Variants in CCZ1 observed in about 807,000 individuals in gnomAD.
CCZ1 encodes vacuolar fusion protein CCZ1 homolog.
Under a neutral mutation model 57.8 loss-of-function variants are expected in CCZ1, and 19 were observed. That is an observed-to-expected ratio of 0.33 (90% CI 0.23 to 0.48). The LOEUF (loss-of-function observed/expected upper bound fraction) is 0.48, where lower values mean the gene tolerates loss of function less well. Ranked by LOEUF, CCZ1 falls within the 20% of genes least tolerant of loss-of-function variation. CCZ1 has a pLI of 0.99. For missense variants in CCZ1, 200 were observed against 492.0 expected (o/e 0.41, Z 5.61); for synonymous variants, 81 against 167.0 (o/e 0.49, Z 3.97).
At chr7:5,923,056 C>T (rs1477916081) in intron 12 of CCZ1, among the ~76,000 whole-genome samples, 45 of 129,352 alleles carry the variant, frequency 3.5e-4, no homozygotes, top group Admixed American at 1.7e-3. Context: ...CGGGGGCTCA[C>T]GCCTGTAATC....
At chr7:5,904,381 T>TGGCC (rs1402297755) in intron 6 of CCZ1, among the ~76,000 whole-genome samples, 2 of 145,902 alleles carry the variant, frequency 1.4e-5, no homozygotes, top group African/African-American at 2.6e-5. Context: ...CCGCTGTGCC[T>TGGCC]GGCCAGGAAT....
In CCZ1 at chr7:5,912,699, C is replaced by G. The variant is rs894560212; in HGVS notation, c.843-144C>G. Reference sequence around the variant, plus strand: ...ACAGGCATGAGCCACCACGCCCAGCCAGCATATTCTGATATGGTGTTTGCC... The same window carrying G: ...ACAGGCATGAGCCACCACGCCCAGCGAGCATATTCTGATATGGTGTTTGCC... On this transcript the variant is annotated intron_variant, in intron 9 of 14. Coordinates refer to ENST00000325974, the MANE Select transcript of CCZ1 (RefSeq NM_015622.6). The G allele has an allele frequency of 8.5e-5, 79 of 928,304 alleles. 1 individual carries two copies. The highest frequency in any genetic ancestry group is 1.2e-4 in the Non-Finnish European group (67 of 580,998). The allele number at this position is 928,304 out of a possible 1,614,324, so 57.5% of individuals were successfully genotyped here.
intron 8 of CCZ1, among the ~76,000 whole-genome samples, chr7:5,910,868 T>C (rs1322172934): frequency 6.8e-6 from 1 of 147,320 alleles, no homozygotes; most frequent in Non-Finnish European, 1.5e-5. Context: ...CCCGAGTAGC[T>C]GAGATTATAG....
intron 10 of CCZ1, among the ~76,000 whole-genome samples, chr7:5,914,869 C>G (rs1305328540): frequency 4.3e-5 from 3 of 69,714 alleles, no homozygotes; most frequent in African/African-American, 1.6e-4. Flanking sequence ...GAGCAAGACT[C>G]TGTCTCAGAA....
rs1231258890 is a variant in CCZ1, at chr7:5,905,696, C to T, written c.698+427C>T. Reference sequence around the variant, plus strand: ...ACTCAGGAGGCTGAGGCAGGAGAATCACTTGAACCCGGGAGGCGGAGGTTG... The same window carrying T: ...ACTCAGGAGGCTGAGGCAGGAGAATTACTTGAACCCGGGAGGCGGAGGTTG... On this transcript the variant is annotated intron_variant, in intron 7 of 14. Transcript: ENST00000325974. Among the ~76,000 whole-genome samples, 44 of 129,918 alleles carry T rather than the reference C, an allele frequency of 3.4e-4. 2 individuals carry two copies. Among genetic ancestry groups the T allele is most frequent in the African/African-American group, 1.1e-3 (39 of 34,310 alleles). 85.2% of individuals were successfully genotyped at this position (129,918 alleles called of 152,430 possible). A position where few individuals can be genotyped will look rare whatever the true frequency, so the allele number is the denominator to read the frequency against.
At chr7:5,915,254 A>G (rs1779126272) in intron 10 of CCZ1, among the ~76,000 whole-genome samples, 1 of 149,814 alleles carries the variant, frequency 6.7e-6, no homozygotes, top group African/African-American at 2.4e-5. Context: ...GCATACAGAA[A>G]GATGTGGTCT....
rs796790383 is a variant in CCZ1 at position 5,903,926 on chromosome 7, C to CA, written c.523-1168_523-1167insA. ...AGGAGAATCGCTTGAACCCCGGAGG[C>CA]GAGGTTGCAGTGAGCCGAGATCACA... On this transcript the variant is annotated intron_variant, in intron 6 of 14. Coordinates refer to ENST00000325974, the MANE Select transcript of CCZ1 (RefSeq NM_015622.6). 2.4e-3 allele frequency among the ~76,000 whole-genome samples: 346 copies of CA among 141,328 alleles called. 8 individuals carry two copies. The highest frequency in any genetic ancestry group is 4.2e-3 in the Non-Finnish European group (281 of 66,308). 92.7% of individuals were successfully genotyped at this position (141,328 alleles called of 152,430 possible).
intron 5 of CCZ1, chr7:5,901,947 G>T: frequency 2.1e-6 from 1 of 477,194 alleles, no homozygotes; most frequent in Non-Finnish European, 3.5e-6. Context: ...TGATGAAAAA[G>T]TGTGTCTATG....
intron 6 of CCZ1, among the ~76,000 whole-genome samples, chr7:5,903,547 C>A (rs1402189674): frequency 4.7e-5 from 1 of 21,264 alleles, no homozygotes; most frequent in Non-Finnish European, 7.7e-5. Context: ...CTCTGAATTA[C>A]TTTTCTTTGT....
In CCZ1 at chr7:5,905,781, C is replaced by CAAAAA. The variant is rs796636886; in HGVS notation, c.698+534_698+538dup. On this transcript the variant is annotated intron_variant, in intron 7 of 14. Transcript: ENST00000325974. ...TGGCAACAGAGAGAGACTCTGTCTC[C>CAAAAA]AAAAAAAAAAAAAAAAAAAAAAAAA... is the stretch of plus-strand genomic sequence containing the variant. 3.2e-4 allele frequency among the ~76,000 whole-genome samples: 14 copies of CAAAAA among 44,368 alleles called. 1 individual carries two copies. The highest frequency in any genetic ancestry group is 7.0e-4 in the African/African-American group (10 of 14,338). 29.1% of individuals were successfully genotyped at this position (44,368 alleles called of 152,430 possible). A position where few individuals can be genotyped will look rare whatever the true frequency, so the allele number is the denominator to read the frequency against.
At chr7:5,906,470 A>G (rs1583183877) in intron 7 of CCZ1, among the ~76,000 whole-genome samples, 1 of 147,966 alleles carries the variant, frequency 6.8e-6, no homozygotes, top group South Asian at 2.2e-4. Flanking sequence ...TTACAGGCAT[A>G]TGCCACCATG....
rs747968633 is a variant in CCZ1 at position 5,912,879 on chromosome 7, T to C, written c.879T>C (p.Asp293=). The change falls in exon 10 of 15, where the codon GAT becomes GAC. Residue 293 remains aspartate (D), a synonymous_variant. Transcript: ENST00000325974. ...GACCCTTGAACCTCAATGATCCAGA[T>C]GCAAAATGCAGATTCCCCAAAATTT... is the stretch of plus-strand genomic sequence containing the variant. The part of the protein sequence containing the change: ...LTGPLNLNDP[D]AKCRFPKIFV... 1.3e-6 allele frequency: 2 copies of C among 1,597,310 alleles called. No homozygotes were observed. Among genetic ancestry groups the C allele is most frequent in the Non-Finnish European group, 1.7e-6 (2 of 1,167,702 alleles).
intron 7 of CCZ1, among the ~76,000 whole-genome samples, chr7:5,907,610 G>A (rs1356894602): frequency 6.8e-6 from 1 of 146,120 alleles, no homozygotes; most frequent in Non-Finnish European, 1.5e-5. Flanking sequence ...GACCAGCAGG[G>A]TTGGCCCTTT....
chr7:5,915,367 GA>G (rs1274129502), intron 10 of CCZ1, among the ~76,000 whole-genome samples: 2 of 142,024 alleles, frequency 1.4e-5, no homozygotes. Context: ...CCCATCTCAA[GA>G]AAAAAATCAT....
At chr7:5,902,839 A>T in intron 6 of CCZ1, 95 bp downstream of exon 6, 2 of 1,425,256 alleles carry the variant, frequency 1.4e-6, no homozygotes, top group Admixed American at 5.0e-5. Flanking sequence ...TATACAAAAA[A>T]CCCAGAACTT....
chr7:5,924,209 T>A (rs866266167), intron 14 of CCZ1, among the ~76,000 whole-genome samples: 609 of 43,756 alleles, frequency 0.014, 63 homozygotes, highest in African/African-American at 0.054. Flanking sequence ...AAAAAAAAAA[T>A]GACTTTATAT....
rs564596223 is a variant in CCZ1, at chr7:5,905,565, C to T, written c.698+296C>T. Among the ~76,000 whole-genome samples, 11 of 145,008 alleles carry T rather than the reference C, an allele frequency of 7.6e-5. 2 individuals carry two copies. In the South Asian group the frequency reaches 1.2e-3, roughly 15 times the overall value. ...TTGGGAGGCTGAGGCGGGTGAATCA[C>T]GAGGTCAGGAGTTGGAGACCAGCCT... On this transcript the variant is annotated intron_variant, in intron 7 of 14. Transcript: ENST00000325974.
rs181580410 is a variant in CCZ1, at chr7:5,903,695, T to C, written c.522+951T>C. Among the ~76,000 whole-genome samples the C allele has an allele frequency of 7.1e-3, 1,048 of 146,858 alleles. 83 individuals are homozygous for C. Among genetic ancestry groups the C allele is most frequent in the African/African-American group, 0.026 (1,017 of 38,810 alleles). Reference sequence around the variant, plus strand: ...ACATATCATTTAGACATGATTTTAGTATAAGATGGCACTCTTGGCTGGGTG... The same window carrying C: ...ACATATCATTTAGACATGATTTTAGCATAAGATGGCACTCTTGGCTGGGTG... On this transcript the variant is annotated intron_variant, in intron 6 of 14. Transcript: ENST00000325974.
At chr7:5,903,910 G>A (rs1429784924) in intron 6 of CCZ1, among the ~76,000 whole-genome samples, 1 of 142,856 alleles carries the variant, frequency 7.0e-6, no homozygotes, top group Non-Finnish European at 1.5e-5. Flanking sequence ...CAGGAGAATC[G>A]CTTGAACCCC....
Sources: allele counts gnomAD v4.1 joint callset (sites outside exome capture counted in the v4.1 genomes callset), GRCh38; gene constraint gnomAD v4.1.1; transcripts MANE v1.5; gene names NCBI Gene and HGNC (gene_info 2026-07-23, HGNC 2026-07-21).